Variants in LEPR observed in about 807,000 individuals in gnomAD.
LEPR encodes leptin receptor, also known as OB receptor.
Under a neutral mutation model 114.7 loss-of-function variants are expected in LEPR, and 56 were observed. That is an observed-to-expected ratio of 0.49 (90% CI 0.39 to 0.61). The LOEUF (loss-of-function observed/expected upper bound fraction) is 0.61. Among genes scored for constraint, LEPR ranks in the 20% least tolerant of loss-of-function variants. The pLI is 0.00. For missense variants in LEPR, 1,202 were observed against 1,352.9 expected (o/e 0.89, Z 1.75); for synonymous variants, 443 against 461.4 (o/e 0.96, Z 0.51).
chr1:65,634,436 T>A (rs530560336), intron 19 of LEPR: 1 of 969,278 alleles, frequency 1.0e-6, no homozygotes, highest in Non-Finnish European at 1.2e-6. Context: ...CAGATTATTC[T>A]AAAATCTTAA....
At chr1:65,623,273 A>G (rs1657996138) in intron 19 of LEPR, 1 of 258,572 alleles carries the variant, frequency 3.9e-6, no homozygotes, top group Admixed American at 5.0e-5. Flanking sequence ...GGTCAATCTG[A>G]TGGAGAACAG....
At chr1:65,549,864 G>A (rs1214774228) in intron 2 of LEPR, among the ~76,000 whole-genome samples, 14 of 152,156 alleles carry the variant, frequency 9.2e-5, no homozygotes, top group Non-Finnish European at 1.6e-4. Context: ...GAGGAACTGC[G>A]TTCCTTTGGA....
At chr1:65,630,438 TCTC>T (rs1283028813) in intron 19 of LEPR, 3 of 151,576 alleles carry the variant, frequency 2.0e-5, no homozygotes, top group Admixed American at 6.6e-5. Context: ...AAAAAAAAAT[TCTC>T]CTCATTTTTG....
intron 2 of LEPR, among the ~76,000 whole-genome samples, chr1:65,455,582 G>C (rs1646858770): frequency 6.6e-6 from 1 of 152,208 alleles, no homozygotes; most frequent in Non-Finnish European, 1.5e-5. Context: ...GTGCCTCCCA[G>C]TTAGGCTGCT....
intron 2 of LEPR, among the ~76,000 whole-genome samples, chr1:65,476,387 T>G (rs1018488462): frequency 6.6e-6 from 1 of 152,090 alleles, no homozygotes; most frequent in Non-Finnish European, 1.5e-5. Flanking sequence ...CGTGCTGTAC[T>G]AAGTGCTGGG....
chr1:65,470,488 T>A (rs1233095428), intron 2 of LEPR, among the ~76,000 whole-genome samples: 1 of 152,228 alleles, frequency 6.6e-6, no homozygotes, highest in African/African-American at 2.4e-5. Context: ...GAGAAAACAC[T>A]TATTAATTAG....
At chr1:65,540,756 A>T (rs1031377664) in intron 2 of LEPR, among the ~76,000 whole-genome samples, 1 of 151,974 alleles carries the variant, frequency 6.6e-6, no homozygotes, top group Non-Finnish European at 1.5e-5. Context: ...TCTCTCATTC[A>T]CTCTTGTAGT....
intron 2 of LEPR, among the ~76,000 whole-genome samples, chr1:65,500,247 T>G (rs1648377244): frequency 6.6e-6 from 1 of 152,094 alleles, no homozygotes; most frequent in Non-Finnish European, 1.5e-5. Context: ...AGGTAGTTAT[T>G]TATAACAGTG....
intron 5 of LEPR, among the ~76,000 whole-genome samples, chr1:65,575,602 A>G (rs1187616351): frequency 6.6e-6 from 1 of 151,502 alleles, no homozygotes; most frequent in African/African-American, 2.4e-5. Context: ...TTCATTTTTT[A>G]AAAATTGTCT....
rs1263169006 is a variant in LEPR at position 65,488,141 on chromosome 1, CTCCT to C, written c.-21+62781_-21+62784del. 8.9e-4 allele frequency among the ~76,000 whole-genome samples: 87 copies of C among 97,454 alleles called. 2 individuals carry two copies. The highest frequency in any genetic ancestry group is 1.9e-3 in the East Asian group (7 of 3,768). The allele number at this position is 97,454 out of a possible 152,430, so 63.9% of individuals were successfully genotyped here. On this transcript the variant is annotated intron_variant, in intron 2 of 19. Transcript: ENST00000349533. ...TCTTTCTTTCTTTCCCTCCCTCCCT[CTCCT>C]TCCTTCCTTCCTTCCTTTCTTTCTT...
chr1:65,551,220 G>A lies in LEPR; in HGVS notation c.-20-14326G>A, dbSNP rs969322395. ...TGCCAGGTTTTAGTATCAGGATGAT[G>A]CGGGCCTCATAAACGAGTTATGGAG... On this transcript the variant is annotated intron_variant, in intron 2 of 19. Coordinates refer to ENST00000349533, the MANE Select transcript of LEPR (RefSeq NM_002303.6). Among the ~76,000 whole-genome samples, 9 of 152,046 alleles carry A rather than the reference G, an allele frequency of 5.9e-5. 1 individual carries two copies. Among genetic ancestry groups the A allele is most frequent in the Non-Finnish European group, 8.8e-5 (6 of 68,032 alleles).
At chr1:65,428,664 C>T (rs1646426358) in intron 2 of LEPR, among the ~76,000 whole-genome samples, 2 of 152,002 alleles carry the variant, frequency 1.3e-5, no homozygotes, top group African/African-American at 4.8e-5. Context: ...CTGGGCGTAT[C>T]TGTGTGATTA....
intron 2 of LEPR, among the ~76,000 whole-genome samples, chr1:65,498,933 A>T (rs1223218732): frequency 1.3e-5 from 2 of 152,184 alleles, no homozygotes; most frequent in East Asian, 1.9e-4. Context: ...CCTTACAAGC[A>T]GGAATCAAGG....
At chr1:65,505,142 A>G (rs1243783653) in intron 2 of LEPR, among the ~76,000 whole-genome samples, 3 of 152,158 alleles carry the variant, frequency 2.0e-5, no homozygotes, top group Non-Finnish European at 4.4e-5. Context: ...TGTTGCCTCC[A>G]TTTTGTACCT....
chr1:65,582,791 C>T (rs1212611687), intron 5 of LEPR, among the ~76,000 whole-genome samples: 5 of 152,138 alleles, frequency 3.3e-5, no homozygotes, highest in South Asian at 4.1e-4. Context: ...TCTGCACCAT[C>T]ATGTTTCTCT....
At chr1:65,628,250 T>C (rs1361044938) in intron 19 of LEPR, among the ~76,000 whole-genome samples, 1 of 152,170 alleles carries the variant, frequency 6.6e-6, no homozygotes, top group Non-Finnish European at 1.5e-5. Context: ...CTTTTAAAAT[T>C]AGTTTTTCTG....
chr1:65,478,058 G>T, intron 2 of LEPR, among the ~76,000 whole-genome samples: 1 of 152,306 alleles, frequency 6.6e-6, no homozygotes, highest in Non-Finnish European at 1.5e-5. Context: ...TTGTTTTGAA[G>T]TCATCCTGTA....
chr1:65,544,408 CT>C (rs1651486124), intron 2 of LEPR, among the ~76,000 whole-genome samples: 1 of 152,014 alleles, frequency 6.6e-6, no homozygotes, highest in South Asian at 2.1e-4. Flanking sequence ...TTGATTTCCT[CT>C]CTTCCTATTT....
intron 19 of LEPR, chr1:65,634,559 A>T: frequency 1.1e-6 from 1 of 947,390 alleles, no homozygotes; most frequent in African/African-American, 1.8e-5. Flanking sequence ...CTTATCAATT[A>T]TGAGTGAAAT....
Sources: gnomAD v4.1 joint callset for allele counts (sites outside exome capture counted in the v4.1 genomes callset) on GRCh38, gnomAD v4.1.1 for gene constraint, MANE v1.5 for transcripts, NCBI Gene and HGNC (gene_info 2026-07-23, HGNC 2026-07-21) for gene names.